The following PELI2 variants were observed in gnomAD, a reference collection of about 807,000 sequenced individuals.
PELI2 encodes pellino E3 ubiquitin protein ligase family member 2.
In PELI2, 23 loss-of-function variants were observed where a neutral mutation model predicts 42.3. That is an observed-to-expected ratio of 0.54 (90% CI 0.39 to 0.77). The LOEUF is 0.77. Ranked by LOEUF, PELI2 falls within the 30% of genes least tolerant of loss-of-function variation. The pLI is 0.00. For synonymous variants in PELI2, 245 were observed against 212.2 expected (o/e 1.15, Z -1.34); for missense variants, 463 against 553.2 (o/e 0.84, Z 1.64).
At chr14:56,164,158 G>T (rs777620443) in intron 1 of PELI2, among the ~76,000 whole-genome samples, 6 of 152,024 alleles carry the variant, frequency 3.9e-5, no homozygotes, top group African/African-American at 1.4e-4. Context: ...TCCCCATTCC[G>T]TATGATACTA....
At chr14:56,246,557 G>T (rs1379088764) in intron 2 of PELI2, among the ~76,000 whole-genome samples, 1 of 152,178 alleles carries the variant, frequency 6.6e-6, no homozygotes, top group Non-Finnish European at 1.5e-5. Flanking sequence ...TGGTCTACCA[G>T]TATTGATTAG....
chr14:56,118,991 G>A, intron 1 of PELI2: 1 of 223,766 alleles, frequency 4.5e-6, no homozygotes. Context: ...GCCAGAACTC[G>A]GGCGACCCAG....
intron 2 of PELI2, among the ~76,000 whole-genome samples, chr14:56,223,907 C>T (rs148544360): frequency 3.3e-5 from 5 of 152,236 alleles, no homozygotes; most frequent in African/African-American, 4.8e-5. Flanking sequence ...CTTGTTTTCC[C>T]GTACCATCCA....
chr14:56,242,642 T>C (rs1396887359), intron 2 of PELI2, among the ~76,000 whole-genome samples: 1 of 152,184 alleles, frequency 6.6e-6, no homozygotes, highest in African/African-American at 2.4e-5. Flanking sequence ...AAATGTGGTA[T>C]ATATACACAC....
At chr14:56,119,849 C>T in intron 1 of PELI2, 1 of 985,268 alleles carries the variant, frequency 1.0e-6, no homozygotes, top group African/African-American at 1.7e-5. Flanking sequence ...TCAGAACATC[C>T]TCGGCGCTGA....
chr14:56,118,416 T>G lies in PELI2; in HGVS notation c.-245T>G. On this transcript the variant is annotated 5_prime_UTR_variant, in exon 1 of 6. The change creates a new upstream start codon in the 5' untranslated region. Coordinates refer to ENST00000267460, the MANE Select transcript of PELI2 (RefSeq NM_021255.3). ...AGGTCCCCCTGCTGCCGGGTCCCAT[T>G]TGTTGCCGGCTCTGACTCGGGGCGG... 1 of 269,830 alleles carries G rather than the reference T, an allele frequency of 3.7e-6. No individual in the cohort carries two copies. Among genetic ancestry groups the G allele is most frequent in the East Asian group, 6.5e-5 (1 of 15,448 alleles). The allele number at this position is 269,830 out of a possible 1,614,324, so 16.7% of individuals were successfully genotyped here. A position where few individuals can be genotyped will look rare whatever the true frequency, so the allele number is the denominator to read the frequency against.
At chr14:56,122,666 C>G (rs1316041941) in intron 1 of PELI2, among the ~76,000 whole-genome samples, 4 of 151,764 alleles carry the variant, frequency 2.6e-5, no homozygotes, top group African/African-American at 9.7e-5. Flanking sequence ...GGGTTCTTAA[C>G]CTAGGGTCCA....
intron 2 of PELI2, among the ~76,000 whole-genome samples, chr14:56,256,089 C>T (rs1387585212): frequency 2.0e-5 from 3 of 152,114 alleles, no homozygotes; most frequent in African/African-American, 7.2e-5. Flanking sequence ...ACTCCTGTGT[C>T]ATCGGTGCTC....
chr14:56,122,674 C>A (rs993734687), intron 1 of PELI2, among the ~76,000 whole-genome samples: 4 of 151,882 alleles, frequency 2.6e-5, no homozygotes, highest in Non-Finnish European at 5.9e-5. Flanking sequence ...AACCTAGGGT[C>A]CACAGATGGA....
At chr14:56,203,240 T>C (rs915049869) in intron 2 of PELI2, among the ~76,000 whole-genome samples, 1 of 152,112 alleles carries the variant, frequency 6.6e-6, no homozygotes, top group Non-Finnish European at 1.5e-5. Context: ...CTCGGGAGGC[T>C]GAGGCATGAG....
chr14:56,182,831 A>T (rs967915320), intron 2 of PELI2, among the ~76,000 whole-genome samples: 1 of 152,096 alleles, frequency 6.6e-6, no homozygotes, highest in Non-Finnish European at 1.5e-5. Context: ...ACATAAACTC[A>T]TTCACCCTAG....
chr14:56,162,376 T>A (rs761757362), intron 1 of PELI2, among the ~76,000 whole-genome samples: 33 of 152,378 alleles, frequency 2.2e-4, no homozygotes, highest in Non-Finnish European at 4.3e-4. Flanking sequence ...TTTGTTTTTC[T>A]GTGCCTGGCC....
intron 2 of PELI2, among the ~76,000 whole-genome samples, chr14:56,246,778 G>A (rs964110878): frequency 6.6e-6 from 1 of 152,218 alleles, no homozygotes; most frequent in South Asian, 2.1e-4. Flanking sequence ...GGAAGTAGCA[G>A]CGCTGTGTCT....
At chr14:56,149,309 G>A (rs1884249887) in intron 1 of PELI2, among the ~76,000 whole-genome samples, 1 of 152,182 alleles carries the variant, frequency 6.6e-6, no homozygotes, top group Admixed American at 6.5e-5. Flanking sequence ...CAAACAGTGT[G>A]CTTTTCCCTG....
chr14:56,185,626 T>C (rs887386133), intron 2 of PELI2, among the ~76,000 whole-genome samples: 8 of 152,226 alleles, frequency 5.3e-5, no homozygotes, highest in African/African-American at 1.9e-4. Context: ...CAGTGTCCAC[T>C]GAATACTTCA....
intron 1 of PELI2, among the ~76,000 whole-genome samples, chr14:56,155,726 C>G (rs1264226891): frequency 6.6e-6 from 1 of 150,660 alleles, no homozygotes; most frequent in African/African-American, 2.4e-5. Context: ...GCACTACAGG[C>G]GCTCGCCACC....
At chr14:56,248,325 T>G (rs1464284541) in intron 2 of PELI2, among the ~76,000 whole-genome samples, 1 of 152,196 alleles carries the variant, frequency 6.6e-6, no homozygotes, top group Non-Finnish European at 1.5e-5. Flanking sequence ...TTCTTTAACT[T>G]TTTAAGATCA....
Position 56,297,306 on chromosome 14 carries a change from T to C in PELI2, c.*140T>C. Reference sequence around the variant, plus strand: ...GAAATAAAGAGAGGGGACATGGTGATGAAACATGGCAGGAGTGTAACAGAT... The same window carrying C: ...GAAATAAAGAGAGGGGACATGGTGACGAAACATGGCAGGAGTGTAACAGAT... On this transcript the variant is annotated 3_prime_UTR_variant, in exon 6 of 6. Transcript: ENST00000267460. 1.6e-6 allele frequency: 1 copy of C among 630,250 alleles called. No individual in the cohort carries two copies. The highest frequency in any genetic ancestry group is 1.9e-5 in the South Asian group (1 of 52,098). 39.0% of individuals were successfully genotyped at this position (630,250 alleles called of 1,614,324 possible).
At chr14:56,205,800 A>G (rs2139717105) in intron 2 of PELI2, among the ~76,000 whole-genome samples, 1 of 152,188 alleles carries the variant, frequency 6.6e-6, no homozygotes, top group Admixed American at 6.5e-5. Flanking sequence ...CGTCACACAC[A>G]CCTGACCCTG....
Sources: allele counts gnomAD v4.1 joint callset (sites outside exome capture counted in the v4.1 genomes callset), GRCh38; gene constraint gnomAD v4.1.1; transcripts MANE v1.5; gene names NCBI Gene and HGNC (gene_info 2026-07-23, HGNC 2026-07-21).